The following CFAP74 variants were observed in gnomAD, a reference collection of about 807,000 sequenced individuals.
CFAP74 encodes the protein cilia- and flagella-associated protein 74.
A neutral mutation model predicts 188.9 loss-of-function variants in CFAP74; 124 were observed. That is an observed-to-expected ratio of 0.66 (90% CI 0.57 to 0.76). The LOEUF (loss-of-function observed/expected upper bound fraction) is 0.76. Among genes scored for constraint, CFAP74 ranks in the 30% least tolerant of loss-of-function variants. CFAP74 has a pLI of 0.00. For missense variants in CFAP74, 2,198 were observed against 2,165.2 expected, an observed-to-expected ratio of 1.02 and a Z score of -0.30; for synonymous variants, 956 against 916.7, an observed-to-expected ratio of 1.04 and a Z score of -0.77.
chr1:1,981,589 C>T (rs1444877129), intron 6 of CFAP74, among the ~76,000 whole-genome samples: 1 of 92,480 alleles, frequency 1.1e-5, no homozygotes, highest in Non-Finnish European at 2.1e-5. Flanking sequence ...TGGACAGACA[C>T]GGGGACACGC....
At chr1:1,965,158 G>A (rs530050095) in intron 12 of CFAP74, 97 bp from the exon 13 acceptor site, 113 of 1,222,208 alleles carry the variant, frequency 9.2e-5, no homozygotes, top group Non-Finnish European at 1.2e-4. Flanking sequence ...AGCAGAGCAC[G>A]GACAGCCCAG....
At chr1:1,993,497 G>T (rs1461724630) in intron 1 of CFAP74, among the ~76,000 whole-genome samples, 1 of 151,662 alleles carries the variant, frequency 6.6e-6, no homozygotes, top group East Asian at 2.0e-4. Flanking sequence ...TGTTGCCCAG[G>T]CTGGTCTCAA....
chr1:1,925,728 G>A, intron 33 of CFAP74, 55 bp downstream of exon 33: 1 of 1,571,284 alleles, frequency 6.4e-7, no homozygotes, highest in South Asian at 1.2e-5. Flanking sequence ...GTCCTGCCTG[G>A]TGGAAACCCC....
intron 6 of CFAP74, among the ~76,000 whole-genome samples, chr1:1,978,253 C>T (rs578017286): frequency 2.6e-5 from 4 of 152,296 alleles, no homozygotes; most frequent in Admixed American, 1.3e-4. Context: ...AGGGGCACTC[C>T]GGACTGCGCG....
chr1:1,981,111 A>T (rs1178555842), intron 6 of CFAP74, among the ~76,000 whole-genome samples: 1 of 152,050 alleles, frequency 6.6e-6, no homozygotes, highest in Non-Finnish European at 1.5e-5. Context: ...CCTCGCACAC[A>T]CCCGTGCTAT....
rs1395242410 is a variant in CFAP74, at chr1:1,923,735, A to AGGGCC, written c.4389+35_4389+39dup. ...CAAAGGCAAGGCCCTGCGTGGGGCC[A>AGGGCC]GGGCCGGGCCGGGCTGAGCTTGCAG... is the stretch of plus-strand genomic sequence containing the variant. On this transcript the variant is annotated intron_variant, in intron 35 of 38. Transcript: ENST00000682832. The surrounding 1 kb of genome is among the most constrained non-coding windows in gnomAD (Gnocchi z 6.3). 2 of 1,612,556 alleles carry AGGGCC rather than the reference A, an allele frequency of 1.2e-6. No individual in the cohort carries two copies.
At chr1:1,986,689 G>A (rs1215434103) in intron 5 of CFAP74, among the ~76,000 whole-genome samples, 3 of 152,232 alleles carry the variant, frequency 2.0e-5, no homozygotes, top group Non-Finnish European at 4.4e-5. Flanking sequence ...AGGCAAGAGT[G>A]GCCCAAGAGG....
At chr1:1,971,067 G>A (rs879434132) in intron 9 of CFAP74, among the ~76,000 whole-genome samples, 10 of 130,574 alleles carry the variant, frequency 7.7e-5, no homozygotes, top group East Asian at 6.7e-4. Context: ...GCTCACACAC[G>A]CACACCTGCA....
chr1:1,938,034 TCA>T (rs1243143146), intron 25 of CFAP74, among the ~76,000 whole-genome samples: 3 of 141,370 alleles, frequency 2.1e-5, no homozygotes, highest in Non-Finnish European at 4.6e-5. Context: ...AGTCACATGC[TCA>T]CACATACATG....
At chr1:1,997,354 G>A (rs574024821) in intron 1 of CFAP74, among the ~76,000 whole-genome samples, 3 of 151,860 alleles carry the variant, frequency 2.0e-5, no homozygotes, top group Admixed American at 6.6e-5. Context: ...CCCAGGAGGC[G>A]GAGGTTGCAG....
At position 1,968,662 on chromosome 1, in the gene CFAP74, G is replaced by A. The variant is rs1471464743; in HGVS notation, c.1218C>T (p.Thr406=). 3.1e-6 allele frequency: 5 copies of A among 1,604,282 alleles called. No homozygotes were observed. The highest frequency in any genetic ancestry group is 4.3e-6 in the Non-Finnish European group (5 of 1,175,078). The change falls in exon 11 of 39, where the codon ACC becomes ACT. Residue 406 remains threonine, a synonymous_variant. Coordinates refer to ENST00000682832, the MANE Select transcript of CFAP74 (RefSeq NM_001304360.2). This position sits in a 1 kb window ranked among gnomAD's most constrained non-coding sequence, Gnocchi z 4.3. ...GTGTGTACGTGTTGGTTGGGACTGTGGTCTTCTTGCAAAAGTCAGAAATGT... is the reference window on the plus strand; with the variant it reads ...GTGTGTACGTGTTGGTTGGGACTGTAGTCTTCTTGCAAAAGTCAGAAATGT... ...WNYISDFCKK[T]TVPTNTYTLD...
chr1:1,939,535 C>A, intron 24 of CFAP74, 59 bp downstream of exon 24: 2 of 1,475,942 alleles, frequency 1.4e-6, no homozygotes, highest in Non-Finnish European at 1.8e-6. Context: ...CCGCTGCATC[C>A]TGTCCCCAGG....
chr1:1,988,240 C>T (rs1266563175), intron 4 of CFAP74: 1 of 637,910 alleles, frequency 1.6e-6, no homozygotes, highest in Admixed American at 2.1e-5. Flanking sequence ...CAGAAAGAAG[C>T]TACAACGAAA....
At position 1,940,343 on chromosome 1, in the gene CFAP74, G is replaced by C. The variant is rs1653281295; in HGVS notation, c.2676C>G (p.Ala892=). 6.5e-7 allele frequency: 1 copy of C among 1,535,714 alleles called. No individual in the cohort carries two copies. The highest frequency in any genetic ancestry group is 2.0e-5 in the Admixed American group (1 of 50,952). Residue 892 remains alanine, a synonymous_variant, in exon 23 of 39, where the codon GCC becomes GCG. Transcript: ENST00000682832. ...GGTCGGCAACCCATATGGTCATCGG[G>C]GCCTCCAGGACTCGGGTCTCCTTGT... is the stretch of plus-strand genomic sequence containing the variant. ...YFDKETRVLE[A]PMTIWVADQN...
intron 18 of CFAP74, among the ~76,000 whole-genome samples, chr1:1,948,585 T>TTTC (rs1653947824): frequency 8.8e-6 from 1 of 113,662 alleles, no homozygotes; most frequent in Non-Finnish European, 1.7e-5. Flanking sequence ...TTTTCTTTCC[T>TTTC]TTCTTCTTGT....
In CFAP74 at chr1:1,956,641, G is replaced by A; in HGVS notation, c.1995C>T (p.Asp665=). ...TCACTAATTTCAGGGCAGACTGGGA[G>A]TCGTCCATCTCACAGGGCTCTGAAG... ...LPASEPCEMD[D]SQSALKLSSL... Residue 665 remains aspartate, a synonymous_variant, in exon 17 of 39, where the codon GAC becomes GAT. Coordinates refer to ENST00000682832, the MANE Select transcript of CFAP74 (RefSeq NM_001304360.2). 1 of 1,614,188 alleles carries A rather than the reference G, an allele frequency of 6.2e-7. No individual in the cohort carries two copies. The highest frequency in any genetic ancestry group is 8.5e-7 in the Non-Finnish European group (1 of 1,180,032).
chr1:1,999,677 C>T (rs1436597070), intron 1 of CFAP74, among the ~76,000 whole-genome samples: 4 of 151,142 alleles, frequency 2.6e-5, no homozygotes, highest in Non-Finnish European at 5.9e-5. Context: ...ATTAGCCAGG[C>T]GCGGTGGCGT....
At chr1:1,925,112 GCA>G (rs1651763790) in intron 33 of CFAP74, among the ~76,000 whole-genome samples, 1 of 151,094 alleles carries the variant, frequency 6.6e-6, no homozygotes, top group South Asian at 2.1e-4. Flanking sequence ...AGGCATGAGG[GCA>G]CACGCTGGTG....
chr1:1,984,045 G>A (rs1031241894), intron 6 of CFAP74: 7 of 148,652 alleles, frequency 4.7e-5, no homozygotes, highest in African/African-American at 1.7e-4. Flanking sequence ...AGGCTGGAGT[G>A]TGGCAGTGGC....
Sources: allele counts gnomAD v4.1 joint callset (sites outside exome capture counted in the v4.1 genomes callset), GRCh38; gene constraint gnomAD v4.1.1; non-coding constraint Gnocchi (gnomAD v3.1); transcripts MANE v1.5; gene names NCBI Gene and HGNC (gene_info 2026-07-23, HGNC 2026-07-21).